The following MPHOSPH8 variants were observed in gnomAD, a reference collection of about 807,000 sequenced individuals.
MPHOSPH8 encodes the protein M-phase phosphoprotein, mpp.
Under a neutral mutation model 87.3 loss-of-function variants are expected in MPHOSPH8, and 45 were observed. The ratio of observed to expected loss-of-function variants is 0.52; its 90% CI spans 0.41 to 0.66. The LOEUF (loss-of-function observed/expected upper bound fraction) is 0.66, where lower values mean the gene tolerates loss of function less well. Ranked by LOEUF, MPHOSPH8 falls within the 30% of genes least tolerant of loss-of-function variation. MPHOSPH8 has a pLI of 0.00. For missense variants in MPHOSPH8, 883 were observed against 1,020.2 expected (o/e 0.87, Z 1.83); for synonymous variants, 366 against 376.9 (o/e 0.97, Z 0.33).
chr13:19,641,696 A>T (rs1479106252), intron 1 of MPHOSPH8, among the ~76,000 whole-genome samples: 1 of 151,982 alleles, frequency 6.6e-6, no homozygotes, highest in Non-Finnish European at 1.5e-5. Flanking sequence ...AGGTTTCACC[A>T]TGTTGGCCAG....
intron 1 of MPHOSPH8, among the ~76,000 whole-genome samples, chr13:19,640,695 G>GT (rs1049625546): frequency 1.2e-4 from 18 of 151,816 alleles, no homozygotes; most frequent in East Asian, 1.2e-3. Context: ...AAATGGCTAG[G>GT]TTTTTTTTAC....
intron 3 of MPHOSPH8, among the ~76,000 whole-genome samples, chr13:19,648,219 A>G (rs1202167309): frequency 3.3e-5 from 5 of 151,830 alleles, no homozygotes; most frequent in Non-Finnish European, 7.4e-5. Flanking sequence ...TGGGTTTGGA[A>G]TTTGATATTT....
intron 9 of MPHOSPH8, 39 bp from the exon 10 acceptor site, chr13:19,666,386 T>C (rs755364422): frequency 5.1e-6 from 8 of 1,573,616 alleles, no homozygotes; most frequent in Non-Finnish European, 3.5e-6. Flanking sequence ...TGCCACAGTT[T>C]ACAGCTAAGT....
chr13:19,633,971 G>A lies in MPHOSPH8; in HGVS notation c.213+10G>A, dbSNP rs765582614. The A allele has an allele frequency of 5.6e-6, 9 of 1,602,084 alleles. No individual in the cohort carries two copies. In the Admixed American group the frequency reaches 1.0e-4, roughly 19 times the overall value. On this transcript the variant is annotated intron_variant, in intron 1 of 13. Coordinates refer to ENST00000361479, the MANE Select transcript of MPHOSPH8 (RefSeq NM_017520.4). Reference sequence around the variant, plus strand: ...CATGAAGACCGAGGGGGTATGTGGAGGGGCCCCGGCGCGGGGCTGGGCGGG... The same window carrying A: ...CATGAAGACCGAGGGGGTATGTGGAAGGGCCCCGGCGCGGGGCTGGGCGGG...
In MPHOSPH8 at chr13:19,633,910, C is replaced by A; in HGVS notation, c.162C>A (p.Asp54Glu). The A allele has an allele frequency of 6.2e-7, 1 of 1,611,472 alleles. No homozygotes were observed. Among genetic ancestry groups the A allele is most frequent in the South Asian group, 1.1e-5 (1 of 90,250 alleles). The change falls in exon 1 of 14, where the codon GAC becomes GAA. Residue 54 changes from aspartate to glutamate, a missense_variant. This residue lies in a region of MPHOSPH8 where 103 missense variants were observed against 96.3 expected (regional missense o/e 1.07). Transcript: ENST00000361479. ...AGGCCTTTGGCGACAGTGAGGAGGA[C>A]GGAGAGGATGTGTTCGAGGTGGAGA... is the stretch of plus-strand genomic sequence containing the variant. ...GAEAFGDSEE[D>E]GEDVFEVEKI...
At chr13:19,658,673 T>C (rs1330912516) in intron 5 of MPHOSPH8, among the ~76,000 whole-genome samples, 1 of 152,216 alleles carries the variant, frequency 6.6e-6, no homozygotes, top group Non-Finnish European at 1.5e-5. Context: ...CACATTAGAA[T>C]TGCATTTCCT....
At position 19,671,299 on chromosome 13, in the gene MPHOSPH8, C is replaced by G; in HGVS notation, c.2541+10C>G. ...AGCACCCTCTGCCAAGGTGACAGTCCTTTCTTCACATTTAGTGTCACTACT... is the reference window on the plus strand; with the variant it reads ...AGCACCCTCTGCCAAGGTGACAGTCGTTTCTTCACATTTAGTGTCACTACT... On this transcript the variant is annotated intron_variant, in intron 13 of 13. Coordinates refer to ENST00000361479, the MANE Select transcript of MPHOSPH8 (RefSeq NM_017520.4). 1 of 1,603,630 alleles carries G rather than the reference C, an allele frequency of 6.2e-7. No homozygotes were observed. Among genetic ancestry groups the G allele is most frequent in the South Asian group, 1.1e-5 (1 of 90,770 alleles).
rs1874589314 is a variant in MPHOSPH8, at chr13:19,646,845, G to A, written c.772G>A (p.Val258Ile). The change falls in exon 3 of 14, where the codon GTC becomes ATC. Residue 258 changes from valine (V) to isoleucine (I), a missense_variant. By Grantham distance (29) the Val-to-Ile change is conservative (BLOSUM62 3). This residue lies in a region of MPHOSPH8 where 741 missense variants were observed against 841.5 expected (regional missense o/e 0.88). Transcript: ENST00000361479. ...TAGAAAAACAAAAAAAGAAAAATTT[G>A]TCGAATCCCAGGTGGAATCTGAATC... Reference protein sequence around the residue: ...ENRKTKKEKFVESQVESESSV... With the variant: ...ENRKTKKEKFIESQVESESSV... 3 of 1,601,380 alleles carry A rather than the reference G, an allele frequency of 1.9e-6. No individual in the cohort carries two copies. The highest frequency in any genetic ancestry group is 1.1e-5 in the South Asian group (1 of 87,424).
At chr13:19,656,216 T>C (rs1237295790) in intron 5 of MPHOSPH8, among the ~76,000 whole-genome samples, 1 of 145,968 alleles carries the variant, frequency 6.9e-6, no homozygotes, top group African/African-American at 2.5e-5. Context: ...GAGGCAGAGA[T>C]TGTAGTGAGC....
rs758764729 is a variant in MPHOSPH8, at chr13:19,633,974, G to A, written c.213+13G>A. 5.0e-6 allele frequency: 8 copies of A among 1,599,580 alleles called. No homozygotes were observed. The Admixed American group carries it at 1.4e-4, about 28-fold the overall frequency. ...GAAGACCGAGGGGGTATGTGGAGGG[G>A]CCCCGGCGCGGGGCTGGGCGGGGAG... On this transcript the variant is annotated intron_variant, in intron 1 of 13. Coordinates refer to ENST00000361479, the MANE Select transcript of MPHOSPH8 (RefSeq NM_017520.4).
In MPHOSPH8 at chr13:19,663,025, T is replaced by A. The variant is rs748235318; in HGVS notation, c.1933-15T>A. ...TAATTTGGGAAATTAAATTTGCCTT[T>A]TTTTCTTTTCATAGAACTTTTTAAC... On this transcript the variant is annotated splice_polypyrimidine_tract_variant and intron_variant, in intron 8 of 13. Coordinates refer to ENST00000361479, the MANE Select transcript of MPHOSPH8 (RefSeq NM_017520.4). 13 of 1,592,082 alleles carry A rather than the reference T, an allele frequency of 8.2e-6. No homozygotes were observed. The highest frequency in any genetic ancestry group is 1.7e-4 in the Middle Eastern group (1 of 5,996).
chr13:19,644,711 G>A (rs1874480887), intron 2 of MPHOSPH8, among the ~76,000 whole-genome samples: 1 of 152,160 alleles, frequency 6.6e-6, no homozygotes, highest in Non-Finnish European at 1.5e-5. Context: ...ACAGTGTGTT[G>A]GCAGCCTTTC....
chr13:19,658,928 TA>T, intron 5 of MPHOSPH8, 66 bp from the exon 6 acceptor site: 1 of 1,571,514 alleles, frequency 6.4e-7, no homozygotes, highest in Non-Finnish European at 8.6e-7. Flanking sequence ...ACAAATTTCA[TA>T]AACAACATTG....
In MPHOSPH8 at chr13:19,635,434, A is replaced by G. The variant is rs180954773; in HGVS notation, c.213+1473A>G. Among the ~76,000 whole-genome samples the G allele has an allele frequency of 4.6e-3, 696 of 152,322 alleles. 6 individuals carry two copies. Among genetic ancestry groups the G allele is most frequent in the South Asian group, 0.028 (134 of 4,828 alleles). Reference sequence around the variant, plus strand: ...TCCCAGCTACTCGGGAGGCTGAGGCAGGAGAATTGCTTGAACCCGGGAGGC... The same window carrying G: ...TCCCAGCTACTCGGGAGGCTGAGGCGGGAGAATTGCTTGAACCCGGGAGGC... On this transcript the variant is annotated intron_variant, in intron 1 of 13. Transcript: ENST00000361479.
chr13:19,647,951 T>G (rs1874654781), intron 3 of MPHOSPH8, among the ~76,000 whole-genome samples: 1 of 152,044 alleles, frequency 6.6e-6, no homozygotes, highest in Admixed American at 6.6e-5. Flanking sequence ...TACAGCAAAA[T>G]AGAACAACTT....
In MPHOSPH8 at chr13:19,671,939, T is replaced by C; in HGVS notation, c.*64T>C. 6.6e-7 allele frequency: 1 copy of C among 1,517,208 alleles called. No individual in the cohort carries two copies. The allele number at this position is 1,517,208 out of a possible 1,614,324, so 94.0% of individuals were successfully genotyped here. A position where few individuals can be genotyped will look rare whatever the true frequency, so the allele number is the denominator to read the frequency against. On this transcript the variant is annotated 3_prime_UTR_variant, in exon 14 of 14. Coordinates refer to ENST00000361479, the MANE Select transcript of MPHOSPH8 (RefSeq NM_017520.4). ...ATTCCTATACTCTCTTTGACAGCAG[T>C]TTGGAATTCTTCTAGCACATCTATG...
At chr13:19,657,580 AAG>A (rs1161962904) in intron 5 of MPHOSPH8, among the ~76,000 whole-genome samples, 7 of 151,534 alleles carry the variant, frequency 4.6e-5, no homozygotes, top group Non-Finnish European at 1.5e-5. Flanking sequence ...AAAAAAAGAA[AAG>A]AAAATCAAGC....
intron 5 of MPHOSPH8, among the ~76,000 whole-genome samples, chr13:19,656,760 C>G (rs1393888071): frequency 6.7e-6 from 1 of 149,620 alleles, no homozygotes; most frequent in African/African-American, 2.5e-5. Context: ...GACTTTCTTT[C>G]AAAAATAAAA....
At position 19,672,091 on chromosome 13, in the gene MPHOSPH8, T is replaced by C; in HGVS notation, c.*216T>C. ...GCAGTGTCCAGACTGCGTATTTCAG[T>C]TTTTCCACAATGTGGATAGTACATA... On this transcript the variant is annotated 3_prime_UTR_variant, in exon 14 of 14. Transcript: ENST00000361479. 2 of 560,166 alleles carry C rather than the reference T, an allele frequency of 3.6e-6. No individual in the cohort carries two copies. The allele number at this position is 560,166 out of a possible 1,614,324, so 34.7% of individuals were successfully genotyped here.
Sources: allele counts gnomAD v4.1 joint callset (sites outside exome capture counted in the v4.1 genomes callset), GRCh38; gene constraint gnomAD v4.1.1; regional missense constraint gnomAD v4.1.1; transcripts MANE v1.5; gene names NCBI Gene and HGNC (gene_info 2026-07-23, HGNC 2026-07-21).